SEMA3A: variants seen among roughly 807,000 people sequenced by gnomAD.
SEMA3A encodes the protein semaphorin-3A.
Under a neutral mutation model 97.9 loss-of-function variants are expected in SEMA3A, and 29 were observed. The ratio of observed to expected loss-of-function variants is 0.30; its 90% CI spans 0.22 to 0.40. The LOEUF is 0.40. Ranked by LOEUF, SEMA3A falls within the 10% of genes least tolerant of loss-of-function variation. The pLI is 1.00. For missense variants in SEMA3A, 763 were observed against 951.3 expected (o/e 0.80, Z 2.60); for synonymous variants, 321 against 323.7 (o/e 0.99, Z 0.09).
intron 3 of SEMA3A, among the ~76,000 whole-genome samples, chr7:84,250,258 T>A (rs1308608493): frequency 6.6e-6 from 1 of 152,112 alleles, no homozygotes; most frequent in African/African-American, 2.4e-5. Context: ...ATTAATATTT[T>A]TTTTTTTCAT....
intron 2 of SEMA3A, among the ~76,000 whole-genome samples, chr7:84,327,008 G>T (rs1267633864): frequency 6.6e-6 from 1 of 151,916 alleles, no homozygotes; most frequent in Non-Finnish European, 1.5e-5. Context: ...CATAGCAAAA[G>T]AAACTAACAG....
intron 1 of SEMA3A, among the ~76,000 whole-genome samples, chr7:84,475,786 A>G (rs1400062737): frequency 6.6e-6 from 1 of 152,160 alleles, no homozygotes; most frequent in Non-Finnish European, 1.5e-5. Flanking sequence ...TCATCCCTAG[A>G]CACTTGGATC....
At chr7:84,193,001 A>G (rs1798097261) in intron 1 of SEMA3A, among the ~76,000 whole-genome samples, 1 of 151,960 alleles carries the variant, frequency 6.6e-6, no homozygotes, top group Admixed American at 6.6e-5. Flanking sequence ...AATATCATAT[A>G]CTATGGAAAT....
intron 6 of SEMA3A, among the ~76,000 whole-genome samples, chr7:84,021,443 A>G (rs61691495): frequency 0.26 from 38,780 of 152,074 alleles, 5,801 homozygotes; most frequent in East Asian, 0.42. Context: ...AATCTTTCCC[A>G]CTGCAACTAT....
chr7:84,184,959 C>G (rs144794365), intron 1 of SEMA3A, among the ~76,000 whole-genome samples: 310 of 152,150 alleles, frequency 2.0e-3, no homozygotes, highest in Non-Finnish European at 3.9e-3. Flanking sequence ...CAGATCACAG[C>G]CAATCATGAA....
chr7:84,460,072 G>A (rs1228935), intron 1 of SEMA3A, among the ~76,000 whole-genome samples: 83,923 of 151,988 alleles, frequency 0.55, 25,221 homozygotes, highest in East Asian at 0.91. Context: ...CTTATTACAT[G>A]TAACTTTTCA....
intron 7 of SEMA3A, among the ~76,000 whole-genome samples, chr7:84,011,974 TAAGAC>T (rs1229318045): frequency 5.3e-5 from 8 of 152,002 alleles, no homozygotes; most frequent in African/African-American, 1.9e-4. Flanking sequence ...TTAACAGAAA[TAAGAC>T]AAGCACGGAA....
At position 84,305,160 on chromosome 7, in the gene SEMA3A, C is replaced by T. The variant is rs1801120998; in HGVS notation, c.-83+2047G>A. 4.0e-5 allele frequency among the ~76,000 whole-genome samples: 6 copies of T among 150,542 alleles called. No individual in the cohort carries two copies. The South Asian group carries it at 1.2e-3, about 31-fold the overall frequency. On this transcript the variant is annotated intron_variant, in intron 3 of 3. Transcript: ENST00000424555. ...AGACAAGAAAAATATACTGTCTACG[C>T]TTTTAAATAATTATTTATATAAGCT...
In SEMA3A at chr7:83,957,110, G is replaced by A. The variant is rs1298338719; in HGVS notation, c.*4261C>T. 3 of 152,298 alleles carry A rather than the reference G, an allele frequency of 2.0e-5. No individual in the cohort carries two copies. The highest frequency in any genetic ancestry group is 4.4e-5 in the Non-Finnish European group (3 of 68,274). The allele number at this position is 152,298 out of a possible 1,614,324, so 9.4% of individuals were successfully genotyped here. ...GAGCTCACAGTCTAGAAATGGAGAT[G>A]GAAACATAAACAAATAAATCACACA... On this transcript the variant is annotated 3_prime_UTR_variant, in exon 17 of 17. Transcript: ENST00000265362.
At chr7:84,383,805 A>G (rs962563439) in intron 1 of SEMA3A, among the ~76,000 whole-genome samples, 3 of 152,228 alleles carry the variant, frequency 2.0e-5, no homozygotes, top group African/African-American at 7.2e-5. Context: ...TAAACCAGTC[A>G]TAATGAGAAA....
At chr7:84,287,489 T>C (rs1202263498) in intron 3 of SEMA3A, among the ~76,000 whole-genome samples, 1 of 152,176 alleles carries the variant, frequency 6.6e-6, no homozygotes, top group Non-Finnish European at 1.5e-5. Flanking sequence ...TGTGATAAAC[T>C]GTATACCTCA....
intron 3 of SEMA3A, among the ~76,000 whole-genome samples, chr7:84,204,768 G>A (rs1379920179): frequency 6.6e-6 from 1 of 152,180 alleles, no homozygotes; most frequent in Non-Finnish European, 1.5e-5. Context: ...TGTGAAGATT[G>A]GAGAGGGCAG....
chr7:84,468,746 C>T (rs189459256), intron 1 of SEMA3A, among the ~76,000 whole-genome samples: 5 of 151,864 alleles, frequency 3.3e-5, no homozygotes, highest in Admixed American at 6.6e-5. Flanking sequence ...TGGTGCTAAA[C>T]GATCTGATTT....
At chr7:84,459,282 G>A (rs759531661) in intron 1 of SEMA3A, among the ~76,000 whole-genome samples, 2 of 152,100 alleles carry the variant, frequency 1.3e-5, no homozygotes, top group Admixed American at 6.6e-5. Flanking sequence ...AGGATGGAAT[G>A]TAGCTACTGA....
At chr7:84,424,334 A>G (rs1804682566) in intron 1 of SEMA3A, among the ~76,000 whole-genome samples, 1 of 142,268 alleles carries the variant, frequency 7.0e-6, no homozygotes, top group Non-Finnish European at 1.5e-5. Context: ...ATAATATGAT[A>G]TACAATAAAT....
intron 1 of SEMA3A, among the ~76,000 whole-genome samples, chr7:84,409,482 T>C (rs966018816): frequency 6.6e-6 from 1 of 152,092 alleles, no homozygotes; most frequent in Non-Finnish European, 1.5e-5. Flanking sequence ...TCCTTGGCAT[T>C]TTACAACTGC....
chr7:83,971,361 C>T lies in SEMA3A; in HGVS notation c.1717+5771G>A, dbSNP rs370215187. ...GCAGAAGAATTGCCTGAACCCGGGACGCAGAGGTTGCATTTTGCAGAGATT... is the reference window on the plus strand; with the variant it reads ...GCAGAAGAATTGCCTGAACCCGGGATGCAGAGGTTGCATTTTGCAGAGATT... On this transcript the variant is annotated intron_variant, in intron 15 of 16. Transcript: ENST00000265362. Among the ~76,000 whole-genome samples, 8 of 150,756 alleles carry T rather than the reference C, an allele frequency of 5.3e-5. No individual in the cohort carries two copies. In the East Asian group the frequency reaches 5.8e-4, roughly 11 times the overall value.
At chr7:83,964,602 A>G (rs550432925) in intron 15 of SEMA3A, among the ~76,000 whole-genome samples, 4 of 152,092 alleles carry the variant, frequency 2.6e-5, no homozygotes, top group African/African-American at 9.6e-5. Flanking sequence ...TCCACCTTCT[A>G]CCTTCAATTG....
At chr7:84,217,850 G>GA (rs1385250135) in intron 3 of SEMA3A, among the ~76,000 whole-genome samples, 1 of 152,044 alleles carries the variant, frequency 6.6e-6, no homozygotes, top group East Asian at 1.9e-4. Context: ...GCAGAGGCAG[G>GA]AAAATCACTT....
Sources: gnomAD v4.1 joint callset for allele counts (sites outside exome capture counted in the v4.1 genomes callset) on GRCh38, gnomAD v4.1.1 for gene constraint, MANE v1.5 for transcripts, NCBI Gene and HGNC (gene_info 2026-07-23, HGNC 2026-07-21) for gene names.